Variants in F11 observed in about 807,000 individuals in gnomAD.
The protein encoded by F11 is coagualtion factor XI.
A neutral mutation model predicts 76.5 loss-of-function variants in F11; 78 were observed. The ratio of observed to expected loss-of-function variants is 1.02; its 90% CI spans 0.85 to 1.23. The LOEUF (loss-of-function observed/expected upper bound fraction) is 1.23. Ranked by LOEUF, F11 falls within the 50% of genes most tolerant of loss-of-function variation. The pLI, the probability that F11 is intolerant of heterozygous loss-of-function variation, is 0.00. For missense variants in F11, 742 were observed against 771.4 expected (o/e 0.96, Z 0.45); for synonymous variants, 278 against 276.3 (o/e 1.01, Z -0.06).
chr4:186,268,139 T>TAA (rs1189308964), intron 2 of F11, among the ~76,000 whole-genome samples: 1 of 152,066 alleles, frequency 6.6e-6, no homozygotes, highest in Non-Finnish European at 1.5e-5. Context: ...GTGAAATTTT[T>TAA]TAAAAAAAAT....
intron 12 of F11, chr4:186,286,029 T>C (rs1176140934): frequency 3.3e-6 from 2 of 613,796 alleles, no homozygotes; most frequent in East Asian, 5.6e-5. Flanking sequence ...AGATACGTTT[T>C]CCTGAGTCTT....
intron 14 of F11, 99 bp downstream of exon 14, chr4:186,287,922 T>C (rs1741333850): frequency 7.0e-7 from 1 of 1,428,856 alleles, no homozygotes; most frequent in South Asian, 1.2e-5. Flanking sequence ...TGTTTTTTTT[T>C]GAGACAGAGT....
chr4:186,288,482 A>T lies in F11; in HGVS notation c.1746A>T (p.Lys582Asn). 6.2e-7 allele frequency: 1 copy of T among 1,614,106 alleles called. No individual in the cohort carries two copies. The highest frequency in any genetic ancestry group is 8.5e-7 in the Non-Finnish European group (1 of 1,180,002). Residue 582 changes from lysine to asparagine, a missense_variant, in exon 15 of 15, where the codon AAA becomes AAT. Coordinates refer to ENST00000403665, the MANE Select transcript of F11 (RefSeq NM_000128.4). ...KGDSGGPLSC[K>N]HNEVWHLVGI... Reference sequence around the variant, plus strand: ...ATTCGGGAGGCCCTCTGTCCTGCAAACACAATGAGGTCTGGCATCTGGTAG... The same window carrying T: ...ATTCGGGAGGCCCTCTGTCCTGCAATCACAATGAGGTCTGGCATCTGGTAG...
At chr4:186,284,724 G>T (rs1325202987) in intron 11 of F11, among the ~76,000 whole-genome samples, 1 of 152,100 alleles carries the variant, frequency 6.6e-6, no homozygotes, top group African/African-American at 2.4e-5. Flanking sequence ...GAGGTGGGAG[G>T]ATTGCTCAAT....
intron 10 of F11, chr4:186,282,775 C>T (rs148664237): frequency 1.0e-6 from 1 of 985,394 alleles, no homozygotes; most frequent in African/African-American, 1.7e-5. Context: ...TCTGTTCAGG[C>T]TTCCGAAGTC....
Position 186,282,416 on chromosome 4 carries a change from G to A in F11, c.1136-1676G>A, listed in dbSNP as rs947042315. ...ATTTGATGAAATAACCCCCTAATGT[G>A]AAAGGGAATAGCTGCGTGAGATATT... On this transcript the variant is annotated intron_variant, in intron 10 of 14. Transcript: ENST00000403665. 1.5e-5 allele frequency: 15 copies of A among 985,392 alleles called. No homozygotes were observed. The African/African-American group carries it at 2.6e-4, about 17-fold the overall frequency. The allele number at this position is 985,392 out of a possible 1,614,324, so 61.0% of individuals were successfully genotyped here.
chr4:186,284,120 C>T lies in F11; in HGVS notation c.1164C>T (p.Ile388=), dbSNP rs1165954112. The change falls in exon 11 of 15, where the codon ATC becomes ATT. Residue 388 remains isoleucine, a synonymous_variant. Transcript: ENST00000403665. ...GTACCACCAAAATCAAGCCCAGGATCGTTGGAGGAACTGCGTCTGTTCGTG... is the reference window on the plus strand; with the variant it reads ...GTACCACCAAAATCAAGCCCAGGATTGTTGGAGGAACTGCGTCTGTTCGTG... ...NECTTKIKPR[I]VGGTASVRGE... is the part of the protein sequence containing the mutation. 8 of 1,614,208 alleles carry T rather than the reference C, an allele frequency of 5.0e-6. No individual in the cohort carries two copies. The highest frequency in any genetic ancestry group is 4.0e-5 in the African/African-American group (3 of 75,054).
intron 10 of F11, 23 bp from the exon 11 acceptor site, chr4:186,284,069 T>C (rs368178197): frequency 1.5e-5 from 24 of 1,614,054 alleles, no homozygotes; most frequent in Non-Finnish European, 1.9e-5. Flanking sequence ...AGGAAGCTGC[T>C]CATCACAATG....
At position 186,289,054 on chromosome 4, in the gene F11, C is replaced by T. The variant is rs577031476; in HGVS notation, c.*440C>T. 9.2e-6 allele frequency: 2 copies of T among 217,412 alleles called. No individual in the cohort carries two copies. Among genetic ancestry groups the T allele is most frequent in the East Asian group, 1.1e-4 (1 of 8,820 alleles). The allele number at this position is 217,412 out of a possible 1,614,324, so 13.5% of individuals were successfully genotyped here. A position where few individuals can be genotyped will look rare whatever the true frequency, so the allele number is the denominator to read the frequency against. ...CTTCACCATTTTGCAGGAATCTACA[C>T]TCTGCCTATGTGAACACATTTCTTT... On this transcript the variant is annotated 3_prime_UTR_variant, in exon 15 of 15. Transcript: ENST00000403665.
At chr4:186,287,945 C>G in intron 14 of F11, 122 bp downstream of exon 14, 1 of 1,228,542 alleles carries the variant, frequency 8.1e-7, no homozygotes, top group African/African-American at 1.5e-5. Context: ...CGCTCTGTTG[C>G]CCAGGCTGGA....
Position 186,287,754 on chromosome 4 carries a change from C to G in F11, c.1647C>G (p.Tyr549Ter). ...LVTNEECQKR[Y>*]RGHKITHKMI... ...CCAACGAAGAGTGCCAGAAGAGATA[C>G]AGAGGACATAAAATAACCCATAAGA... is the stretch of plus-strand genomic sequence containing the variant. The change falls in exon 14 of 15, where the codon TAC becomes TAG. Residue 549 changes from tyrosine (Y) to a stop codon, truncating the protein, a stop_gained. Coordinates refer to ENST00000403665, the MANE Select transcript of F11 (RefSeq NM_000128.4). LOFTEE classifies it high-confidence loss of function. 1 of 1,613,538 alleles carries G rather than the reference C, an allele frequency of 6.2e-7. No individual in the cohort carries two copies. Among genetic ancestry groups the G allele is most frequent in the Non-Finnish European group, 8.5e-7 (1 of 1,179,738 alleles).
At chr4:186,272,118 C>T (rs1740018634) in intron 3 of F11, among the ~76,000 whole-genome samples, 1 of 151,910 alleles carries the variant, frequency 6.6e-6, no homozygotes, top group African/African-American at 2.4e-5. Flanking sequence ...CTTCTCCCAA[C>T]TATTTTATTA....
chr4:186,270,017 C>T (rs1355790692), intron 2 of F11, among the ~76,000 whole-genome samples: 2 of 152,102 alleles, frequency 1.3e-5, no homozygotes, highest in Non-Finnish European at 2.9e-5. Context: ...CCCATTATTT[C>T]CATTTACTCT....
intron 5 of F11, chr4:186,275,197 T>A (rs935900457): frequency 2.0e-5 from 9 of 456,706 alleles, no homozygotes; most frequent in Non-Finnish European, 4.4e-6. Context: ...TCATTAAAAG[T>A]AAGAAGGACT....
intron 13 of F11, 87 bp downstream of exon 13, chr4:186,286,597 A>C: frequency 6.3e-7 from 1 of 1,589,056 alleles, no homozygotes; most frequent in Non-Finnish European, 8.6e-7. Context: ...GCTGAAGCAC[A>C]ACTCGAGTCA....
At chr4:186,274,020 G>A in intron 4 of F11, 96 bp from the exon 5 acceptor site, 4 of 1,396,626 alleles carry the variant, frequency 2.9e-6, no homozygotes, top group Non-Finnish European at 4.1e-6. Context: ...GGAAAGGTGG[G>A]TGAAAAAGTT....
intron 10 of F11, chr4:186,281,802 T>G: frequency 9.9e-7 from 1 of 1,006,992 alleles, no homozygotes; most frequent in Non-Finnish European, 1.3e-6. Flanking sequence ...CACAAAAACA[T>G]TCTGTGTCAG....
In F11 at chr4:186,285,673, G is replaced by T. The variant is rs1741151204; in HGVS notation, c.1340G>T (p.Gly447Val). The T allele has an allele frequency of 6.2e-7, 1 of 1,613,878 alleles. No individual in the cohort carries two copies. The highest frequency in any genetic ancestry group is 1.7e-5 in the Admixed American group (1 of 59,978). The stretch of plus-strand genomic sequence containing the variant: ...CCTAAGATTTTGCGTGTCTACAGTG[G>T]CATTTTAAATCAATCTGAAATAAAA... ...ESPKILRVYS[G>V]ILNQSEIKED... is the part of the protein sequence containing the mutation. The change falls in exon 12 of 15, where the codon GGC (glycine) becomes GTC (valine). Residue 447 changes from glycine to valine, a missense_variant. Physicochemically the swap from Gly to Val is moderately radical, Grantham distance 109 (BLOSUM62 -3). Coordinates refer to ENST00000403665, the MANE Select transcript of F11 (RefSeq NM_000128.4).
chr4:186,280,374 C>G lies in F11; in HGVS notation c.1017C>G (p.Cys339Trp), dbSNP rs745901569. ...FFTYTPAQAS[C>W]NEGKGKCYLK... ...CCTATACCCCAGCCCAAGCATCCTG[C>G]AACGAAGGGAAGTAAGCCATATGAA... The change falls in exon 9 of 15, where the codon TGC (cysteine) becomes TGG (tryptophan). Residue 339 changes from cysteine (C) to tryptophan (W), a missense_variant. Cys to Trp is a radical substitution (Grantham distance 215). Coordinates refer to ENST00000403665, the MANE Select transcript of F11 (RefSeq NM_000128.4). 1.2e-6 allele frequency: 2 copies of G among 1,614,108 alleles called. No individual in the cohort carries two copies. The highest frequency in any genetic ancestry group is 8.5e-7 in the Non-Finnish European group (1 of 1,180,060).
Sources: allele counts gnomAD v4.1 joint callset (sites outside exome capture counted in the v4.1 genomes callset), GRCh38; gene constraint gnomAD v4.1.1; transcripts MANE v1.5; gene names NCBI Gene and HGNC (gene_info 2026-07-23, HGNC 2026-07-21).